The following FMO1 variants were observed in gnomAD, a reference collection of about 807,000 sequenced individuals.
FMO1 encodes the protein flavin-containing monooxygenase 1.
FMO1 carries 36 observed loss-of-function variants against 45.4 expected under a neutral mutation model. The ratio of observed to expected loss-of-function variants is 0.79; its 90% CI spans 0.61 to 1.05. The LOEUF is 1.05. FMO1 is among the 50% of genes least tolerant of loss of function. The pLI is 0.00. For missense variants in FMO1, 615 were observed against 640.3 expected, an observed-to-expected ratio of 0.96 and a Z score of 0.43; for synonymous variants, 228 against 227.2, an observed-to-expected ratio of 1.00 and a Z score of -0.03.
intron 3 of FMO1, among the ~76,000 whole-genome samples, chr1:171,272,279 G>A (rs1660903654): frequency 6.6e-6 from 1 of 152,250 alleles, no homozygotes; most frequent in Non-Finnish European, 1.5e-5. Context: ...AGATTTCACA[G>A]GATGTATGGA....
intron 2 of FMO1, among the ~76,000 whole-genome samples, chr1:171,258,629 T>G (rs1356530149): frequency 6.6e-6 from 1 of 152,190 alleles, no homozygotes; most frequent in Non-Finnish European, 1.5e-5. Context: ...TTTACCTGCT[T>G]CTTTTCCCAG....
In FMO1 at chr1:171,282,082, T is replaced by C; in HGVS notation, c.932T>C (p.Val311Ala). Reference protein sequence around the residue: ...PSIKEVKENSVIFNNTSKEEP... With the variant: ...PSIKEVKENSAIFNNTSKEEP... ...ATAAAAGAGGTAAAGGAAAACTCTG[T>C]CATATTTAACAATACTTCAAAGGAA... is the stretch of plus-strand genomic sequence containing the variant. Residue 311 changes from valine to alanine, a missense_variant, in exon 7 of 9, where the codon GTC becomes GCC. Physicochemically the swap from Val to Ala is moderately conservative, Grantham distance 64. Transcript: ENST00000617670. The C allele has an allele frequency of 6.2e-7, 1 of 1,613,892 alleles. No individual in the cohort carries two copies. The highest frequency in any genetic ancestry group is 8.5e-7 in the Non-Finnish European group (1 of 1,179,808).
In FMO1 at chr1:171,273,923, T is replaced by C. The variant is rs555957539; in HGVS notation, c.322-1423T>C. ...GCCCACACCTGTAATCCCAGCACTTTGGGGGGCCAAGGTGGGTGGATCAAG... is the reference window on the plus strand; with the variant it reads ...GCCCACACCTGTAATCCCAGCACTTCGGGGGGCCAAGGTGGGTGGATCAAG... On this transcript the variant is annotated intron_variant, in intron 3 of 8. Coordinates refer to ENST00000617670, the MANE Select transcript of FMO1 (RefSeq NM_001282693.2). Among the ~76,000 whole-genome samples the C allele has an allele frequency of 2.6e-3, 393 of 152,160 alleles. 2 individuals are homozygous for C. The highest frequency in any genetic ancestry group is 8.5e-3 in the African/African-American group (353 of 41,532).
intron 8 of FMO1, among the ~76,000 whole-genome samples, chr1:171,284,648 C>T (rs573075380): frequency 6.6e-6 from 1 of 150,740 alleles, no homozygotes; most frequent in Non-Finnish European, 1.5e-5. Context: ...AGGAGGATCG[C>T]TTGAGCCAAG....
Position 171,285,542 on chromosome 1 carries a change from T to C in FMO1, c.1597T>C (p.Ter533GlnextTer12), listed in dbSNP as rs1661595810. 2 of 1,493,120 alleles carry C rather than the reference T, an allele frequency of 1.3e-6. No individual in the cohort carries two copies. The highest frequency in any genetic ancestry group is 2.8e-5 in the African/African-American group (2 of 70,952). The allele number at this position is 1,493,120 out of a possible 1,614,324, so 92.5% of individuals were successfully genotyped here. Residue 533 changes from the stop codon to glutamine (Q), a stop_lost, in exon 9 of 9, where the codon TAA (stop) becomes CAA (glutamine). Transcript: ENST00000617670. ...TGTGGCTATTTTTCTGATTTTCCTA[T>C]AAGTAAAAGATCTCCTAAATGGAAG... The part of the protein sequence containing the change: ...LLVAIFLIFL[*>Q]
chr1:171,250,099 G>C (rs1007943334), intron 1 of FMO1, among the ~76,000 whole-genome samples: 2 of 152,044 alleles, frequency 1.3e-5, no homozygotes, highest in Non-Finnish European at 2.9e-5. Flanking sequence ...GTAGTTTTTT[G>C]AACAAGTAAT....
rs934223058 is a variant in FMO1, at chr1:171,282,040, T to C, written c.890T>C (p.Val297Ala). 1.2e-6 allele frequency: 2 copies of C among 1,613,624 alleles called. No homozygotes were observed. The highest frequency in any genetic ancestry group is 1.7e-6 in the Non-Finnish European group (2 of 1,179,852). ...CCAGGACGCATCATCACTGGGAAAG[T>C]GTTCATCAGGCCAAGCATAAAAGAG... ...ELPGRIITGK[V>A]FIRPSIKEVK... Residue 297 changes from valine to alanine, a missense_variant, in exon 7 of 9, where the codon GTG (valine) becomes GCG (alanine). By Grantham distance (64) the Val-to-Ala change is moderately conservative (BLOSUM62 0). Coordinates refer to ENST00000617670, the MANE Select transcript of FMO1 (RefSeq NM_001282693.2).
chr1:171,278,683 C>T, intron 4 of FMO1, 46 bp from the exon 5 acceptor site: 8 of 1,384,376 alleles, frequency 5.8e-6, no homozygotes, highest in Non-Finnish European at 7.9e-6. Context: ...GTTTCATTCA[C>T]TGATCCTGTT....
chr1:171,281,926 C>G, intron 6 of FMO1, 52 bp from the exon 7 acceptor site: 2 of 1,058,306 alleles, frequency 1.9e-6, no homozygotes, highest in Admixed American at 2.2e-5. Flanking sequence ...GAAGGGAGAG[C>G]TGGCTGAATT....
At chr1:171,253,920 G>A (rs988790781) in intron 1 of FMO1, 5 of 152,182 alleles carry the variant, frequency 3.3e-5, no homozygotes, top group Middle Eastern at 3.1e-3. Flanking sequence ...GACTAGTCAA[G>A]TACAGTAGTG....
chr1:171,278,723 C>A lies in FMO1; in HGVS notation c.485-6C>A. 1 of 1,563,130 alleles carries A rather than the reference C, an allele frequency of 6.4e-7. No homozygotes were observed. The highest frequency in any genetic ancestry group is 1.8e-5 in the Admixed American group (1 of 56,480). On this transcript the variant is annotated splice_region_variant and splice_polypyrimidine_tract_variant and intron_variant, in intron 4 of 8. Transcript: ENST00000617670. ...CTCTGTGTGACTTCTCTTTTATTTTCTATAGGTATTAATGCCTTTAAAGGC... is the reference window on the plus strand; with the variant it reads ...CTCTGTGTGACTTCTCTTTTATTTTATATAGGTATTAATGCCTTTAAAGGC...
chr1:171,277,944 T>C (rs1357022041), intron 4 of FMO1, among the ~76,000 whole-genome samples: 4 of 152,230 alleles, frequency 2.6e-5, no homozygotes, highest in Non-Finnish European at 5.9e-5. Flanking sequence ...TTAGCACATA[T>C]TACTTCTGAT....
At chr1:171,283,065 A>T in intron 7 of FMO1, 79 bp from the exon 8 acceptor site, 2 of 778,074 alleles carry the variant, frequency 2.6e-6, no homozygotes, top group South Asian at 1.5e-5. Context: ...GGAGAGCCAT[A>T]GTAAAGCATC....
chr1:171,257,895 C>A (rs1229730397), intron 1 of FMO1, 187 bp from the exon 2 acceptor site: 5 of 609,796 alleles, frequency 8.2e-6, no homozygotes, highest in Non-Finnish European at 1.4e-5. Flanking sequence ...CGGGAACATA[C>A]CAAGCACAGG....
At chr1:171,259,545 C>G (rs1255305282) in intron 2 of FMO1, among the ~76,000 whole-genome samples, 2 of 152,176 alleles carry the variant, frequency 1.3e-5, no homozygotes, top group African/African-American at 2.4e-5. Flanking sequence ...TAACATTATT[C>G]CAAACAAGCA....
In FMO1 at chr1:171,285,150, G is replaced by A. The variant is rs1661566059; in HGVS notation, c.1257-52G>A. 2.4e-6 allele frequency: 3 copies of A among 1,246,948 alleles called. No homozygotes were observed. The South Asian group carries it at 4.5e-5, about 19-fold the overall frequency. 77.2% of individuals were successfully genotyped at this position (1,246,948 alleles called of 1,614,324 possible). On this transcript the variant is annotated intron_variant, in intron 8 of 8. Coordinates refer to ENST00000617670, the MANE Select transcript of FMO1 (RefSeq NM_001282693.2). ...CTTTGGGCACTTGTACTTGTTCTAA[G>A]ATTATCAGTTTTTTTGTCTTCACCT...
intron 2 of FMO1, among the ~76,000 whole-genome samples, chr1:171,265,483 A>G (rs1558008685): frequency 6.6e-6 from 1 of 152,204 alleles, no homozygotes; most frequent in Non-Finnish European, 1.5e-5. Context: ...TGTAAATTTG[A>G]AATTTATAGA....
intron 1 of FMO1, among the ~76,000 whole-genome samples, chr1:171,253,685 C>A (rs1660007799): frequency 6.6e-6 from 1 of 151,952 alleles, no homozygotes; most frequent in Admixed American, 6.6e-5. Context: ...CGCTCGAACC[C>A]AGGAGGCGGA....
At chr1:171,258,353 G>A (rs1660250490) in intron 2 of FMO1, 134 bp downstream of exon 2, 2 of 1,013,836 alleles carry the variant, frequency 2.0e-6, no homozygotes, top group Non-Finnish European at 2.9e-6. Flanking sequence ...AGGGGACCAT[G>A]AGGAGCCACT....
Sources: allele counts gnomAD v4.1 joint callset (sites outside exome capture counted in the v4.1 genomes callset), GRCh38; gene constraint gnomAD v4.1.1; transcripts MANE v1.5; gene names NCBI Gene and HGNC (gene_info 2026-07-23, HGNC 2026-07-21).